The following CDH18 variants were observed in gnomAD, a reference collection of about 807,000 sequenced individuals.
The protein encoded by CDH18 is cadherin-18.
Under a neutral mutation model 67.9 loss-of-function variants are expected in CDH18, and 31 were observed. The ratio of observed to expected loss-of-function variants is 0.46; its 90% confidence interval spans 0.34 to 0.62. CDH18 has a LOEUF of 0.62. CDH18 is among the 20% of genes least tolerant of loss of function. CDH18 has a pLI of 0.01. For missense variants in CDH18, 890 were observed against 975.5 expected (o/e 0.91, Z 1.17); for synonymous variants, 362 against 347.2 (o/e 1.04, Z -0.48).
intron 1 of CDH18, among the ~76,000 whole-genome samples, chr5:20,316,709 T>A (rs1561965272): frequency 6.6e-6 from 1 of 151,976 alleles, no homozygotes; most frequent in Admixed American, 6.6e-5. Flanking sequence ...AGAGATATGA[T>A]AGTAAAGACA....
chr5:19,574,084 A>G (rs1161619637), intron 7 of CDH18, among the ~76,000 whole-genome samples: 1 of 152,114 alleles, frequency 6.6e-6, no homozygotes, highest in Admixed American at 6.6e-5. Context: ...GGACTTTTCA[A>G]TGAAATTTGT....
intron 3 of CDH18, among the ~76,000 whole-genome samples, chr5:19,752,616 G>A (rs1299417372): frequency 6.6e-6 from 1 of 152,058 alleles, no homozygotes; most frequent in Non-Finnish European, 1.5e-5. Flanking sequence ...AAGACAAAGG[G>A]CATATACTTT....
intron 2 of CDH18, among the ~76,000 whole-genome samples, chr5:19,927,020 A>C (rs1222317520): frequency 2.0e-5 from 3 of 152,180 alleles, no homozygotes; most frequent in Non-Finnish European, 4.4e-5. Flanking sequence ...GAATTGTTTT[A>C]GTCAGTTGCC....
chr5:19,547,218 A>C (rs1736488420), intron 8 of CDH18, among the ~76,000 whole-genome samples: 1 of 152,214 alleles, frequency 6.6e-6, no homozygotes, highest in South Asian at 2.1e-4. Context: ...TCATGTGGAA[A>C]GGACAGCATC....
intron 3 of CDH18, among the ~76,000 whole-genome samples, chr5:19,812,761 C>T (rs1044817607): frequency 3.2e-4 from 49 of 151,988 alleles, no homozygotes; most frequent in African/African-American, 1.1e-3. Context: ...AACAGTGTGG[C>T]GATTCCTCAA....
At chr5:19,720,469 G>C (rs1765941320) in intron 5 of CDH18, among the ~76,000 whole-genome samples, 1 of 152,020 alleles carries the variant, frequency 6.6e-6, no homozygotes, top group Non-Finnish European at 1.5e-5. Flanking sequence ...CTTGAGATTT[G>C]TTACTGAACA....
intron 1 of CDH18, among the ~76,000 whole-genome samples, chr5:20,355,843 G>A (rs535029727): frequency 6.6e-6 from 1 of 152,084 alleles, no homozygotes; most frequent in Non-Finnish European, 1.5e-5. Context: ...CACTAACATA[G>A]GACACTAATG....
chr5:20,133,979 T>A (rs1237327676), intron 2 of CDH18, among the ~76,000 whole-genome samples: 1 of 152,162 alleles, frequency 6.6e-6, no homozygotes, highest in African/African-American at 2.4e-5. Flanking sequence ...TTTCTTGGAT[T>A]TTCTTTAATT....
chr5:20,386,349 GA>G (rs1562022061), intron 1 of CDH18, among the ~76,000 whole-genome samples: 1 of 152,144 alleles, frequency 6.6e-6, no homozygotes, highest in East Asian at 1.9e-4. Flanking sequence ...TCTAAAATGT[GA>G]GCATGTCAGC....
intron 2 of CDH18, among the ~76,000 whole-genome samples, chr5:20,060,149 T>A (rs539801377): frequency 1.3e-5 from 2 of 152,148 alleles, no homozygotes; most frequent in Non-Finnish European, 2.9e-5. Context: ...AGAACTCATA[T>A]CATGAACCAA....
At chr5:19,793,012 T>C (rs1776517719) in intron 3 of CDH18, among the ~76,000 whole-genome samples, 1 of 152,148 alleles carries the variant, frequency 6.6e-6, no homozygotes, top group Admixed American at 6.6e-5. Flanking sequence ...GTGAAATAAT[T>C]TGATGATATT....
At chr5:19,660,227 T>C (rs896271378) in intron 5 of CDH18, among the ~76,000 whole-genome samples, 4 of 152,128 alleles carry the variant, frequency 2.6e-5, no homozygotes, top group Non-Finnish European at 5.9e-5. Context: ...GAATGAATAA[T>C]AAATATGTTG....
intron 8 of CDH18, among the ~76,000 whole-genome samples, chr5:19,566,075 C>T (rs1740337546): frequency 6.6e-6 from 1 of 152,050 alleles, no homozygotes. Context: ...TCTGAATAGA[C>T]ATTTCTCAAA....
At chr5:19,676,441 G>A in intron 5 of CDH18, among the ~76,000 whole-genome samples, 1 of 151,996 alleles carries the variant, frequency 6.6e-6, no homozygotes, top group South Asian at 2.1e-4. Context: ...ATCTAGGAAT[G>A]TCAGCAATGG....
rs1402296160 is a variant in CDH18, at chr5:19,661,748, G to A, written c.644-49147C>T. ...TTGGAGATGAGAAAAACTCTACAGG[G>A]AAAAATGAAACCTTTCTAAGAGCCT... On this transcript the variant is annotated intron_variant, in intron 5 of 12. Transcript: ENST00000382275. 2.0e-5 allele frequency among the ~76,000 whole-genome samples: 3 copies of A among 152,014 alleles called. No individual in the cohort carries two copies. In the East Asian group the frequency reaches 5.8e-4, roughly 29 times the overall value.
chr5:19,537,902 C>T (rs1749670901), intron 9 of CDH18, among the ~76,000 whole-genome samples: 1 of 151,950 alleles, frequency 6.6e-6, no homozygotes, highest in Non-Finnish European at 1.5e-5. Context: ...ATAAAGTACC[C>T]AATACCAACA....
At chr5:19,863,308 C>T (rs1018656575) in intron 2 of CDH18, among the ~76,000 whole-genome samples, 1 of 152,078 alleles carries the variant, frequency 6.6e-6, no homozygotes, top group East Asian at 1.9e-4. Context: ...CAACAATGTC[C>T]GTGATGTCAA....
chr5:20,282,000 T>A (rs1746315702), intron 1 of CDH18, among the ~76,000 whole-genome samples: 1 of 152,194 alleles, frequency 6.6e-6, no homozygotes. Context: ...TCACTCATGA[T>A]TTGGCTCTCT....
intron 1 of CDH18, among the ~76,000 whole-genome samples, chr5:20,281,870 G>T (rs1255690582): frequency 6.6e-6 from 1 of 152,014 alleles, no homozygotes; most frequent in Non-Finnish European, 1.5e-5. Context: ...CCATTTGTTT[G>T]TATCCTCTTT....
Sources: allele counts gnomAD v4.1 joint callset (sites outside exome capture counted in the v4.1 genomes callset), GRCh38; gene constraint gnomAD v4.1.1; transcripts MANE v1.5; gene names NCBI Gene and HGNC (gene_info 2026-07-23, HGNC 2026-07-21).